INTS4: variants seen among roughly 807,000 people sequenced by gnomAD.
INTS4 encodes the protein integrator complex subunit 4.
A neutral mutation model predicts 119.5 loss-of-function variants in INTS4; 70 were observed. The ratio of observed to expected loss-of-function variants is 0.59; its 90% CI spans 0.48 to 0.71. The LOEUF is 0.71. Ranked by LOEUF, INTS4 falls within the 30% of genes least tolerant of loss-of-function variation. The pLI, the probability that INTS4 is intolerant of heterozygous loss-of-function variation, is 0.00. For missense variants in INTS4, 867 were observed against 1,173.2 expected, an observed-to-expected ratio of 0.74 and a Z score of 3.81; for synonymous variants, 316 against 419.6, an observed-to-expected ratio of 0.75 and a Z score of 3.02.
intron 14 of INTS4, among the ~76,000 whole-genome samples, chr11:77,920,090 T>C (rs558905246): frequency 1.1e-4 from 16 of 152,046 alleles, no homozygotes; most frequent in African/African-American, 3.6e-4. Flanking sequence ...ATTACAGGTA[T>C]GAGCCACCGC....
rs1190854470 is a variant in INTS4, at chr11:77,928,424, T to C, written c.1289A>G (p.Gln430Arg). 2 of 1,611,206 alleles carry C rather than the reference T, an allele frequency of 1.2e-6. No individual in the cohort carries two copies. Among genetic ancestry groups the C allele is most frequent in the East Asian group, 2.2e-5 (1 of 44,866 alleles). Residue 430 changes from glutamine (Q) to arginine (R), a missense_variant, in exon 11 of 23, where the codon CAG becomes CGG. This residue lies in a region of INTS4 where 208 missense variants were observed against 306.6 expected (regional missense o/e 0.68). Coordinates refer to ENST00000534064, the MANE Select transcript of INTS4 (RefSeq NM_033547.4). ...FNDEIEEVRL[Q>R]SIHTMRKISN... is the part of the protein sequence containing the mutation. ...GATTTTTCTCATGGTATGTATAGACTGCAGACGTACTTCCTCAATTTCATC... is the reference window on the plus strand; with the variant it reads ...GATTTTTCTCATGGTATGTATAGACCGCAGACGTACTTCCTCAATTTCATC...
chr11:77,992,204 C>T lies in INTS4; in HGVS notation c.55-905G>A, dbSNP rs191036501. 2.0e-5 allele frequency among the ~76,000 whole-genome samples: 3 copies of T among 152,116 alleles called. No individual in the cohort carries two copies. In the East Asian group the frequency reaches 5.9e-4, roughly 30 times the overall value. On this transcript the variant is annotated intron_variant, in intron 1 of 22. Transcript: ENST00000534064. ...CTTGAGGCCAGGAGTTCAAGACCAGCCTGGCCAACATGGCAAAACCCCATC... is the reference window on the plus strand; with the variant it reads ...CTTGAGGCCAGGAGTTCAAGACCAGTCTGGCCAACATGGCAAAACCCCATC...
chr11:77,910,254 T>C (rs1744418917), intron 15 of INTS4, among the ~76,000 whole-genome samples: 1 of 151,844 alleles, frequency 6.6e-6, no homozygotes, highest in African/African-American at 2.4e-5. Context: ...CATGGAATAC[T>C]ATGCAGCCAT....
chr11:77,878,159 A>C (rs183874503), downstream of INTS4, among the ~76,000 whole-genome samples: 6 of 151,996 alleles, frequency 3.9e-5, no homozygotes, highest in African/African-American at 7.3e-5. Flanking sequence ...TCAGGAGATC[A>C]AGACCATCCT....
chr11:77,975,732 C>T (rs925410246), intron 4 of INTS4, among the ~76,000 whole-genome samples: 34 of 151,840 alleles, frequency 2.2e-4, no homozygotes, highest in Admixed American at 1.3e-3. Context: ...CCGAGGCGGG[C>T]GGATCATGAG....
chr11:77,925,364 T>C (rs928292848), intron 11 of INTS4, among the ~76,000 whole-genome samples: 50 of 152,320 alleles, frequency 3.3e-4, no homozygotes, highest in African/African-American at 1.1e-3. Flanking sequence ...ATGAAAAAGT[T>C]TGAAATATTG....
chr11:77,984,330 CCAAAAATA>C (rs1856370078), intron 2 of INTS4, among the ~76,000 whole-genome samples: 1 of 151,894 alleles, frequency 6.6e-6, no homozygotes, highest in Non-Finnish European at 1.5e-5. Flanking sequence ...CCTGTCTCTA[CCAAAAATA>C]CAAAAATTAG....
chr11:77,922,590 T>G, intron 12 of INTS4, 119 bp from the exon 13 acceptor site: 4 of 735,138 alleles, frequency 5.4e-6, no homozygotes, highest in Non-Finnish European at 8.9e-6. Flanking sequence ...CCATATACTT[T>G]TGCTAACTCT....
At chr11:77,974,442 C>T (rs1166869184) in intron 4 of INTS4, among the ~76,000 whole-genome samples, 1 of 151,756 alleles carries the variant, frequency 6.6e-6, no homozygotes, top group Non-Finnish European at 1.5e-5. Context: ...GGGGTTTCAC[C>T]ATGTTGGTCA....
chr11:77,909,842 A>T (rs191599372), intron 15 of INTS4, among the ~76,000 whole-genome samples: 6 of 152,232 alleles, frequency 3.9e-5, no homozygotes, highest in Non-Finnish European at 8.8e-5. Context: ...ACATGAAAAA[A>T]TGCTCATCAT....
chr11:77,907,770 C>T lies in INTS4; in HGVS notation c.1963G>A (p.Gly655Arg), dbSNP rs1339694344. The change falls in exon 16 of 23, where the codon GGA becomes AGA. Residue 655 changes from glycine to arginine, a missense_variant. Coordinates refer to ENST00000534064, the MANE Select transcript of INTS4 (RefSeq NM_033547.4). Reference sequence around the variant, plus strand: ...TAGGTGGCAGAGAAATCAGCTACTCCTGCCAATTCAGATTGAAGTTCTCCA... The same window carrying T: ...TAGGTGGCAGAGAAATCAGCTACTCTTGCCAATTCAGATTGAAGTTCTCCA... ...RLGELQSELA[G>R]VADFSATYLR... is the part of the protein sequence containing the mutation. 2.5e-6 allele frequency: 4 copies of T among 1,613,724 alleles called. No individual in the cohort carries two copies. The highest frequency in any genetic ancestry group is 2.7e-5 in the African/African-American group (2 of 74,936).
chr11:77,942,190 A>T (rs1953943584), intron 8 of INTS4, among the ~76,000 whole-genome samples: 1 of 152,218 alleles, frequency 6.6e-6, no homozygotes, highest in South Asian at 2.1e-4. Context: ...TAGTAAGGGA[A>T]ACTGACAAGA....
At chr11:77,918,201 G>A (rs1953250144) in intron 15 of INTS4, 1 of 678,342 alleles carries the variant, frequency 1.5e-6, no homozygotes. Flanking sequence ...GGAGGCCGAG[G>A]CGGGAGGATC....
intron 4 of INTS4, among the ~76,000 whole-genome samples, chr11:77,971,714 G>A (rs1015982093): frequency 1.3e-5 from 2 of 152,174 alleles, no homozygotes; most frequent in Non-Finnish European, 2.9e-5. Context: ...TTCCCATACT[G>A]TGGGTTGTCT....
At chr11:77,975,557 G>T (rs1208717765) in intron 4 of INTS4, among the ~76,000 whole-genome samples, 1 of 151,786 alleles carries the variant, frequency 6.6e-6, no homozygotes, top group Non-Finnish European at 1.5e-5. Context: ...TTTGGCAATA[G>T]AAACAGCGGT....
chr11:77,945,061 G>A (rs1167517543), intron 8 of INTS4, among the ~76,000 whole-genome samples: 1 of 152,174 alleles, frequency 6.6e-6, no homozygotes, highest in Admixed American at 6.5e-5. Context: ...CCAGAGAAAG[G>A]GCAAAATCCC....
Position 77,958,809 on chromosome 11 carries a change from T to G in INTS4, c.734A>C (p.Tyr245Ser), listed in dbSNP as rs527517742. 3.1e-6 allele frequency: 5 copies of G among 1,609,590 alleles called. No homozygotes were observed. In the South Asian group the frequency reaches 5.5e-5, roughly 18 times the overall value. Reference sequence around the variant, plus strand: ...GACTGCAGCACTGCGCACTTGTTCATAGTCATCAGAGAGTAATTTACAGGC... The same window carrying G: ...GACTGCAGCACTGCGCACTTGTTCAGAGTCATCAGAGAGTAATTTACAGGC... The part of the protein sequence containing the change: ...NQACKLLSDD[Y>S]EQVRSAAVQL... Residue 245 changes from tyrosine (Y) to serine (S), a missense_variant, in exon 7 of 23, where the codon TAT becomes TCT. Physicochemically the swap from Tyr to Ser is moderately radical, Grantham distance 144. Transcript: ENST00000534064.
chr11:77,903,504 G>A (rs1952842493), intron 17 of INTS4, 36 bp downstream of exon 17: 1 of 1,608,474 alleles, frequency 6.2e-7, no homozygotes, highest in African/African-American at 1.3e-5. Flanking sequence ...TTACTGGACA[G>A]AGACCTATTT....
intron 7 of INTS4, among the ~76,000 whole-genome samples, chr11:77,957,663 CTT>C (rs1159914263): frequency 7.8e-4 from 86 of 110,694 alleles, no homozygotes; most frequent in African/African-American, 2.5e-3. Context: ...AACTGAACTT[CTT>C]TTTTTTTTTT....
Sources: allele counts gnomAD v4.1 joint callset (sites outside exome capture counted in the v4.1 genomes callset), GRCh38; gene constraint gnomAD v4.1.1; regional missense constraint gnomAD v4.1.1; transcripts MANE v1.5; gene names NCBI Gene and HGNC (gene_info 2026-07-23, HGNC 2026-07-21).